CDK14: variants seen among roughly 807,000 people sequenced by gnomAD.
CDK14 encodes the protein cyclin-dependent kinase 14.
In CDK14, 34 loss-of-function variants were observed where a neutral mutation model predicts 60.7. That is an observed-to-expected ratio of 0.56 (90% CI 0.43 to 0.75). The LOEUF is 0.75. CDK14 is among the 30% of genes least tolerant of loss of function. The pLI, the probability that CDK14 is intolerant of heterozygous loss-of-function variation, is 0.00. For synonymous variants in CDK14, 197 were observed against 203.7 expected (o/e 0.97, Z 0.28); for missense variants, 482 against 564.1 (o/e 0.85, Z 1.47).
intron 8 of CDK14, among the ~76,000 whole-genome samples, chr7:90,935,553 A>C (rs1202923228): frequency 6.6e-6 from 1 of 152,212 alleles, no homozygotes; most frequent in Non-Finnish European, 1.5e-5. Context: ...ACATTTGCTT[A>C]TTATCTTATG....
At chr7:90,782,416 C>G (rs1193717419) in intron 4 of CDK14, among the ~76,000 whole-genome samples, 1 of 152,138 alleles carries the variant, frequency 6.6e-6, no homozygotes, top group African/African-American at 2.4e-5. Flanking sequence ...ATTTCCTTCT[C>G]CTGCCTAATT....
intron 14 of CDK14, among the ~76,000 whole-genome samples, chr7:91,122,495 C>T (rs763322903): frequency 1.8e-4 from 27 of 152,280 alleles, no homozygotes; most frequent in South Asian, 1.5e-3. Flanking sequence ...GGTTCTTACT[C>T]GGTAGGCCAC....
chr7:90,642,737 TTG>T (rs1800368470), intron 2 of CDK14, among the ~76,000 whole-genome samples: 1 of 152,118 alleles, frequency 6.6e-6, no homozygotes, highest in Non-Finnish European at 1.5e-5. Flanking sequence ...TTCTGAAGGG[TTG>T]AACCAATTTT....
chr7:91,181,287 T>G (rs1801992967), intron 14 of CDK14, among the ~76,000 whole-genome samples: 1 of 152,192 alleles, frequency 6.6e-6, no homozygotes, highest in Admixed American at 6.5e-5. Context: ...TGACTTGTCC[T>G]TTAGAGTTTC....
intron 2 of CDK14, among the ~76,000 whole-genome samples, chr7:90,678,546 GA>G (rs1338791613): frequency 6.6e-6 from 1 of 152,174 alleles, no homozygotes; most frequent in Non-Finnish European, 1.5e-5. Context: ...AAGGTGTGAT[GA>G]ATTCCTCCTT....
At chr7:91,108,556 G>T (rs1298435661) in intron 12 of CDK14, among the ~76,000 whole-genome samples, 3 of 152,122 alleles carry the variant, frequency 2.0e-5, no homozygotes, top group African/African-American at 7.2e-5. Flanking sequence ...TGCCTTCTGT[G>T]ATTTATTCCT....
chr7:90,848,676 C>A (rs1790547747), intron 5 of CDK14, among the ~76,000 whole-genome samples: 3 of 152,148 alleles, frequency 2.0e-5, no homozygotes, highest in Non-Finnish European at 4.4e-5. Context: ...TTTCAACATT[C>A]TGAGCCACAT....
intron 5 of CDK14, among the ~76,000 whole-genome samples, chr7:90,857,875 A>T (rs1158585228): frequency 6.6e-6 from 1 of 152,110 alleles, no homozygotes; most frequent in Non-Finnish European, 1.5e-5. Flanking sequence ...CATGTCTGTC[A>T]CCTACCGTGA....
At chr7:90,646,158 T>C in intron 2 of CDK14, among the ~76,000 whole-genome samples, 1 of 152,216 alleles carries the variant, frequency 6.6e-6, no homozygotes, top group East Asian at 1.9e-4. Flanking sequence ...ATCATATTTC[T>C]TGATTCACAA....
At chr7:90,834,730 C>G (rs747769447) in intron 5 of CDK14, among the ~76,000 whole-genome samples, 52 of 152,184 alleles carry the variant, frequency 3.4e-4, no homozygotes, top group Admixed American at 4.6e-4. Flanking sequence ...GGAATCAAGG[C>G]CAAATTCTGG....
intron 10 of CDK14, among the ~76,000 whole-genome samples, chr7:91,010,554 A>G (rs75491940): frequency 0.028 from 4,274 of 152,164 alleles, 103 homozygotes; most frequent in South Asian, 0.1. Context: ...TTTCATTACT[A>G]GTATATAAAA....
chr7:90,905,519 T>TAAAAC (rs1453651191), intron 7 of CDK14, among the ~76,000 whole-genome samples: 1 of 152,142 alleles, frequency 6.6e-6, no homozygotes, highest in Non-Finnish European at 1.5e-5. Context: ...TGATGTAATT[T>TAAAAC]AAAACAAAAC....
chr7:91,174,489 T>C (rs906124755), intron 14 of CDK14, among the ~76,000 whole-genome samples: 1 of 151,958 alleles, frequency 6.6e-6, no homozygotes, highest in Non-Finnish European at 1.5e-5. Context: ...GAAGAAGGCT[T>C]CAGACGGTCA....
In CDK14 at chr7:90,971,460, C is replaced by T. The variant is rs142723535; in HGVS notation, c.948-12688C>T. Among the ~76,000 whole-genome samples the T allele has an allele frequency of 6.6e-5, 10 of 152,076 alleles. No individual in the cohort carries two copies. In the East Asian group the frequency reaches 9.7e-4, roughly 15 times the overall value. ...AGCTAACAAAGCTAGGTTTGAAGGACGTGTACATCATGCCATGGACAAAGA... is the reference window on the plus strand; with the variant it reads ...AGCTAACAAAGCTAGGTTTGAAGGATGTGTACATCATGCCATGGACAAAGA... On this transcript the variant is annotated intron_variant, in intron 9 of 14. Coordinates refer to ENST00000380050, the MANE Select transcript of CDK14 (RefSeq NM_001287135.2).
intron 2 of CDK14, among the ~76,000 whole-genome samples, chr7:90,694,770 A>G (rs1801622175): frequency 6.6e-6 from 1 of 152,250 alleles, no homozygotes; most frequent in Non-Finnish European, 1.5e-5. Flanking sequence ...AAAATTGAAA[A>G]TATTCAAATG....
chr7:91,040,531 G>A (rs1797059573), intron 10 of CDK14, among the ~76,000 whole-genome samples: 1 of 152,210 alleles, frequency 6.6e-6, no homozygotes, highest in African/African-American at 2.4e-5. Context: ...TTATTAGGTT[G>A]TTCTGAAGTC....
chr7:90,654,217 G>A (rs1014658309), intron 2 of CDK14, among the ~76,000 whole-genome samples: 1 of 152,070 alleles, frequency 6.6e-6, no homozygotes, highest in African/African-American at 2.4e-5. Context: ...AATAGCTAAA[G>A]CATGGTCCCT....
intron 11 of CDK14, among the ~76,000 whole-genome samples, chr7:91,071,801 G>A (rs1225508964): frequency 1.3e-5 from 2 of 152,244 alleles, no homozygotes. Context: ...CATCTCTATA[G>A]CTCTAGGCCA....
At chr7:90,909,666 G>C (rs979582351) in intron 7 of CDK14, among the ~76,000 whole-genome samples, 4 of 152,020 alleles carry the variant, frequency 2.6e-5, no homozygotes, top group Non-Finnish European at 5.9e-5. Flanking sequence ...CCATTGCCTT[G>C]AAGTAGAAAG....
Sources: gnomAD v4.1 joint callset for allele counts (sites outside exome capture counted in the v4.1 genomes callset) on GRCh38, gnomAD v4.1.1 for gene constraint, MANE v1.5 for transcripts, NCBI Gene and HGNC (gene_info 2026-07-23, HGNC 2026-07-21) for gene names.